The following DNAI7 variants were observed in gnomAD, a reference collection of about 807,000 sequenced individuals.
DNAI7 encodes cancer susceptibility 1.
Under a neutral mutation model 86.6 loss-of-function variants are expected in DNAI7, and 78 were observed. The ratio of observed to expected loss-of-function variants is 0.90; its 90% CI spans 0.75 to 1.09. The LOEUF is 1.09. Among genes scored for constraint, DNAI7 ranks in the 50% least tolerant of loss-of-function variants. DNAI7 has a pLI of 0.00. For synonymous variants in DNAI7, 274 were observed against 273.0 expected (o/e 1.00, Z -0.04); for missense variants, 753 against 810.2 (o/e 0.93, Z 0.86).
intron 9 of DNAI7, among the ~76,000 whole-genome samples, chr12:25,135,732 T>C (rs1454165033): frequency 6.6e-6 from 1 of 151,870 alleles, no homozygotes; most frequent in Non-Finnish European, 1.5e-5. Context: ...CACTGCTGAC[T>C]TTCCCCCACC....
intron 2 of DNAI7, among the ~76,000 whole-genome samples, chr12:25,182,973 G>GGAGA (rs1565835647): frequency 6.3e-5 from 8 of 127,274 alleles, no homozygotes; most frequent in African/African-American, 2.0e-4. Flanking sequence ...GAGGAAGGGA[G>GGAGA]GAAGGGAAGG....
rs750112272 is a variant in DNAI7, at chr12:25,190,605, T to C, written c.21+9A>G. On this transcript the variant is annotated intron_variant, in intron 2 of 15. Coordinates refer to ENST00000395987, the MANE Select transcript of DNAI7 (RefSeq NM_018272.5). ...TACAACTATCTATTTTGAAAAAAAT[T>C]CTACATACCTTTTTTGCTTTGGGAC... 1 of 1,357,884 alleles carries C rather than the reference T, an allele frequency of 7.4e-7. No individual in the cohort carries two copies. The highest frequency in any genetic ancestry group is 1.5e-5 in the South Asian group (1 of 68,176). 84.1% of individuals were successfully genotyped at this position (1,357,884 alleles called of 1,614,324 possible).
chr12:25,171,763 A>G (rs185632380), intron 2 of DNAI7, among the ~76,000 whole-genome samples: 57 of 152,348 alleles, frequency 3.7e-4, no homozygotes, highest in African/African-American at 1.3e-3. Context: ...CATCAAAAAG[A>G]TAATTCACCA....
rs370896122 is a variant in DNAI7 at position 25,108,576 on chromosome 12, A to G, written c.2141T>C (p.Leu714Pro). The stretch of plus-strand genomic sequence containing the variant: ...GGAGTAGCTGAGCAATCTGGTAGAG[A>G]GCAGCATGTGGCACACAGAGTTGAC... ...QFVNSVCHMLLSTRLLSYS is the reference protein window; with the variant it reads ...QFVNSVCHMLPSTRLLSYS Residue 714 changes from leucine to proline, a missense_variant, in exon 16 of 16, where the codon CTC becomes CCC. Transcript: ENST00000395987. The G allele has an allele frequency of 3.1e-6, 5 of 1,613,694 alleles. No individual in the cohort carries two copies. The African/African-American group carries it at 6.7e-5, about 22-fold the overall frequency.
Position 25,108,440 on chromosome 12 carries a change from A to G in DNAI7, c.*108T>C, listed in dbSNP as rs1164927986. On this transcript the variant is annotated 3_prime_UTR_variant, in exon 16 of 16. Transcript: ENST00000395987. ...GAAAATGCAGATTAGAAAATTTTTA[A>G]TAGTTGATTTGAAATGTATTCATTC... 43 of 943,990 alleles carry G rather than the reference A, an allele frequency of 4.6e-5. 1 individual carries two copies. The South Asian group carries it at 4.7e-4, about 10-fold the overall frequency. 58.5% of individuals were successfully genotyped at this position (943,990 alleles called of 1,614,324 possible).
downstream of DNAI7, chr12:25,108,079 T>C (rs1260604271): frequency 1.2e-6 from 2 of 1,605,156 alleles, no homozygotes; most frequent in East Asian, 2.2e-5. Flanking sequence ...CATCCTAATA[T>C]ATGGATCTTG....
rs577417189 is a variant in DNAI7 at position 25,109,435 on chromosome 12, C to T, written c.1894-612G>A. The stretch of plus-strand genomic sequence containing the variant: ...GGGGTCTCACTCTGCTGTTCAGGCT[C>T]GGGTGCAGTGGTGTGATCATAGCTC... On this transcript the variant is annotated intron_variant, in intron 15 of 15. Transcript: ENST00000395987. Among the ~76,000 whole-genome samples, 65 of 152,094 alleles carry T rather than the reference C, an allele frequency of 4.3e-4. 1 individual carries two copies. In the South Asian group the frequency reaches 6.4e-3, roughly 15 times the overall value.
chr12:25,189,215 G>A (rs1295500660), intron 2 of DNAI7, among the ~76,000 whole-genome samples: 1 of 152,110 alleles, frequency 6.6e-6, no homozygotes, highest in Non-Finnish European at 1.5e-5. Context: ...TATGTGCCAG[G>A]CACTGTGCTA....
At chr12:25,191,331 G>T (rs572343129) in intron 1 of DNAI7, among the ~76,000 whole-genome samples, 2 of 151,968 alleles carry the variant, frequency 1.3e-5, no homozygotes, top group Non-Finnish European at 2.9e-5. Flanking sequence ...ACTTGAGCCC[G>T]GGAGGTCAAG....
chr12:25,146,638 T>A (rs74073317), intron 8 of DNAI7, among the ~76,000 whole-genome samples: 6,321 of 151,954 alleles, frequency 0.042, 437 homozygotes, highest in African/African-American at 0.14. Context: ...CACTTCTACT[T>A]TTTTGGAGGG....
At chr12:25,183,467 T>A (rs942118833) in intron 2 of DNAI7, among the ~76,000 whole-genome samples, 2 of 152,154 alleles carry the variant, frequency 1.3e-5, no homozygotes, top group Admixed American at 6.5e-5. Context: ...TCTTTATTTC[T>A]AGAAGTGCTT....
intron 13 of DNAI7, among the ~76,000 whole-genome samples, chr12:25,114,285 G>C (rs1939628622): frequency 6.6e-6 from 1 of 152,176 alleles, no homozygotes; most frequent in Non-Finnish European, 1.5e-5. Flanking sequence ...ATCATTCAGA[G>C]AGAAACCAAC....
chr12:25,146,604 A>AAAAAAG (rs1175582082), intron 8 of DNAI7, among the ~76,000 whole-genome samples: 2 of 151,886 alleles, frequency 1.3e-5, no homozygotes, highest in Non-Finnish European at 2.9e-5. Context: ...TGTCTCAAAA[A>AAAAAAG]AAAAAGAAAA....
At chr12:25,145,297 T>C (rs1288361752) in intron 8 of DNAI7, among the ~76,000 whole-genome samples, 1 of 152,162 alleles carries the variant, frequency 6.6e-6, no homozygotes, top group African/African-American at 2.4e-5. Context: ...TGCACTTTGA[T>C]ATCTTGTAAG....
At chr12:25,120,034 C>G (rs543246890) in intron 11 of DNAI7, among the ~76,000 whole-genome samples, 1 of 152,114 alleles carries the variant, frequency 6.6e-6, no homozygotes, top group East Asian at 1.9e-4. Flanking sequence ...ATGAAGTGGT[C>G]TCAGGACACT....
intron 4 of DNAI7, among the ~76,000 whole-genome samples, chr12:25,156,894 A>C (rs1353626484): frequency 6.6e-6 from 1 of 152,238 alleles, no homozygotes; most frequent in African/African-American, 2.4e-5. Flanking sequence ...ATGCCAAATC[A>C]TGTATGAAAA....
chr12:25,141,305 T>C (rs1440344343), intron 9 of DNAI7, among the ~76,000 whole-genome samples: 1 of 152,156 alleles, frequency 6.6e-6, no homozygotes, highest in African/African-American at 2.4e-5. Flanking sequence ...TCACAAACTA[T>C]GCACCTAACA....
chr12:25,111,995 T>C, intron 13 of DNAI7, 56 bp from the exon 14 acceptor site: 2 of 1,160,192 alleles, frequency 1.7e-6, no homozygotes, highest in Non-Finnish European at 2.4e-6. Context: ...TACTTCAGTA[T>C]CACTCCAGGT....
At chr12:25,186,860 A>G (rs1950087096) in intron 2 of DNAI7, among the ~76,000 whole-genome samples, 1 of 152,144 alleles carries the variant, frequency 6.6e-6, no homozygotes, top group African/African-American at 2.4e-5. Flanking sequence ...TGATTTCCAT[A>G]AGACTGTGTC....
Sources: allele counts gnomAD v4.1 joint callset (sites outside exome capture counted in the v4.1 genomes callset), GRCh38; gene constraint gnomAD v4.1.1; transcripts MANE v1.5; gene names NCBI Gene and HGNC (gene_info 2026-07-23, HGNC 2026-07-21).